MACROD2: variants seen among roughly 807,000 people sequenced by gnomAD.
The protein encoded by MACROD2 is ADP-ribose glycohydrolase MACROD2.
A neutral mutation model predicts 70.4 loss-of-function variants in MACROD2; 36 were observed. The ratio of observed to expected loss-of-function variants is 0.51; its 90% CI spans 0.39 to 0.68. The LOEUF (loss-of-function observed/expected upper bound fraction) is 0.68. Among genes scored for constraint, MACROD2 ranks in the 30% least tolerant of loss-of-function variants. The probability of loss-of-function intolerance (pLI) is 0.00; values close to 1 mark genes in which losing one functional copy is unlikely to be tolerated. For synonymous variants in MACROD2, 172 were observed against 178.8 expected (o/e 0.96, Z 0.30); for missense variants, 496 against 538.4 (o/e 0.92, Z 0.78).
intron 12 of MACROD2, among the ~76,000 whole-genome samples, chr20:15,964,442 A>G (rs2066109401): frequency 6.6e-6 from 1 of 152,110 alleles, no homozygotes; most frequent in African/African-American, 2.4e-5. Context: ...AAATCTTTTT[A>G]TAAGGGTACT....
chr20:14,524,486 C>T (rs982333779), intron 4 of MACROD2, among the ~76,000 whole-genome samples: 2 of 152,040 alleles, frequency 1.3e-5, no homozygotes, highest in South Asian at 2.1e-4. Context: ...TCTAACTTAT[C>T]CTAATAAATT....
intron 2 of MACROD2, among the ~76,000 whole-genome samples, chr20:14,085,039 T>TGGGGGGGGGG (rs2054059495): frequency 6.4e-5 from 1 of 15,588 alleles, no homozygotes; most frequent in African/African-American, 2.4e-4. Flanking sequence ...GGTGGGGGGG[T>TGGGGGGGGGG]GGTGGGGGAG....
chr20:14,293,851 T>A lies in MACROD2; in HGVS notation c.272-199628T>A, dbSNP rs530361365. 2.8e-4 allele frequency among the ~76,000 whole-genome samples: 43 copies of A among 152,040 alleles called. No homozygotes were observed. The South Asian group carries it at 8.5e-3, about 30-fold the overall frequency. On this transcript the variant is annotated intron_variant, in intron 3 of 17. Coordinates refer to ENST00000684519, the MANE Select transcript of MACROD2 (RefSeq NM_001351661.2). Reference sequence around the variant, plus strand: ...CTTTCCATTTTATTTCATAACTCACTTTCCTAGGTAAAATATCTGCCATTG... The same window carrying A: ...CTTTCCATTTTATTTCATAACTCACATTCCTAGGTAAAATATCTGCCATTG...
At chr20:15,184,898 A>G (rs1387935063) in intron 5 of MACROD2, among the ~76,000 whole-genome samples, 1 of 152,244 alleles carries the variant, frequency 6.6e-6, no homozygotes, top group Non-Finnish European at 1.5e-5. Context: ...CCCTAGAGAC[A>G]AAATGATAAG....
chr20:14,522,241 GAT>G (rs2085177181), intron 4 of MACROD2, among the ~76,000 whole-genome samples: 1 of 108,248 alleles, frequency 9.2e-6, no homozygotes, highest in Non-Finnish European at 2.3e-5. Context: ...AACACAGATA[GAT>G]AGGTCCTCAA....
chr20:14,869,048 A>G (rs781158908), intron 5 of MACROD2, among the ~76,000 whole-genome samples: 1 of 152,156 alleles, frequency 6.6e-6, no homozygotes, highest in Non-Finnish European at 1.5e-5. Flanking sequence ...AAAGGTCACA[A>G]CAGAGCACCA....
At chr20:15,292,451 G>A (rs532511672) in intron 6 of MACROD2, among the ~76,000 whole-genome samples, 2 of 152,270 alleles carry the variant, frequency 1.3e-5, no homozygotes, top group Non-Finnish European at 2.9e-5. Flanking sequence ...CTTTTGCAAT[G>A]CTTTCCAATT....
At chr20:15,341,964 G>A (rs2078114957) in intron 6 of MACROD2, among the ~76,000 whole-genome samples, 1 of 152,072 alleles carries the variant, frequency 6.6e-6, no homozygotes, top group Non-Finnish European at 1.5e-5. Context: ...TGAGGCAGGA[G>A]AATAATTTAA....
intron 5 of MACROD2, among the ~76,000 whole-genome samples, chr20:14,858,021 A>G (rs2073274392): frequency 3.3e-5 from 5 of 151,968 alleles, no homozygotes. Context: ...GGGTTTCACC[A>G]TGTTGGCCAG....
chr20:15,482,883 TTGA>T (rs1304384655), intron 7 of MACROD2, among the ~76,000 whole-genome samples: 15 of 152,218 alleles, frequency 9.9e-5, no homozygotes, highest in South Asian at 2.1e-4. Context: ...GGGGTGTTTG[TTGA>T]AGTCTTTTGC....
intron 3 of MACROD2, among the ~76,000 whole-genome samples, chr20:14,458,625 A>G (rs1337961716): frequency 1.3e-5 from 2 of 152,120 alleles, no homozygotes; most frequent in Non-Finnish European, 1.5e-5. Flanking sequence ...CTGAGAGGGC[A>G]TGAAAGCCCC....
At chr20:15,771,109 A>C (rs971118234) in intron 8 of MACROD2, among the ~76,000 whole-genome samples, 1 of 152,154 alleles carries the variant, frequency 6.6e-6, no homozygotes, top group African/African-American at 2.4e-5. Flanking sequence ...CAAACAGCAG[A>C]GGGAACACAC....
chr20:16,006,303 C>G (rs1052553622), intron 15 of MACROD2, among the ~76,000 whole-genome samples: 2 of 152,120 alleles, frequency 1.3e-5, no homozygotes, highest in African/African-American at 4.8e-5. Flanking sequence ...TTTTGGGGAG[C>G]CTTAAGTTAC....
intron 8 of MACROD2, among the ~76,000 whole-genome samples, chr20:15,520,769 G>A (rs1004002083): frequency 2.6e-5 from 4 of 152,212 alleles, no homozygotes; most frequent in African/African-American, 9.6e-5. Context: ...ACAGCAGGTG[G>A]GGTTTAGATA....
chr20:15,613,314 C>A (rs1213368872), intron 8 of MACROD2, among the ~76,000 whole-genome samples: 1 of 152,126 alleles, frequency 6.6e-6, no homozygotes, highest in Non-Finnish European at 1.5e-5. Context: ...TGATTGGGGT[C>A]TTTATTGGCA....
intron 5 of MACROD2, among the ~76,000 whole-genome samples, chr20:14,712,448 G>A (rs887508492): frequency 2.0e-5 from 3 of 152,218 alleles, no homozygotes; most frequent in Non-Finnish European, 2.9e-5. Context: ...GCTGGCATTC[G>A]TCTGTTTCTT....
chr20:14,361,625 T>C (rs717327), intron 3 of MACROD2, among the ~76,000 whole-genome samples: 1 of 152,024 alleles, frequency 6.6e-6, no homozygotes, highest in African/African-American at 2.4e-5. Context: ...GATTTCAGTC[T>C]CTGTAATGCA....
chr20:14,547,321 T>A, intron 4 of MACROD2: 1 of 252,412 alleles, frequency 4.0e-6, no homozygotes, highest in Non-Finnish European at 8.4e-6. Context: ...CTGAATCAGG[T>A]CCCCATAAAC....
intron 5 of MACROD2, among the ~76,000 whole-genome samples, chr20:14,924,170 A>G (rs1415024568): frequency 6.6e-6 from 1 of 152,210 alleles, no homozygotes; most frequent in Non-Finnish European, 1.5e-5. Context: ...ACCATATGGA[A>G]ATAGAGTTGG....
Sources: allele counts gnomAD v4.1 joint callset (sites outside exome capture counted in the v4.1 genomes callset), GRCh38; gene constraint gnomAD v4.1.1; transcripts MANE v1.5; gene names NCBI Gene and HGNC (gene_info 2026-07-23, HGNC 2026-07-21).